Variants in PSMA8 observed in about 807,000 individuals in gnomAD.
The protein encoded by PSMA8 is proteasome subunit alpha-type 8.
A neutral mutation model predicts 32.4 loss-of-function variants in PSMA8; 18 were observed. The ratio of observed to expected loss-of-function variants is 0.56; its 90% confidence interval spans 0.38 to 0.82. The LOEUF (loss-of-function observed/expected upper bound fraction) is 0.82, where lower values mean the gene tolerates loss of function less well. PSMA8 is among the 40% of genes least tolerant of loss of function. PSMA8 has a pLI of 0.00. For missense variants in PSMA8, 298 were observed against 300.7 expected (o/e 0.99, Z 0.07); for synonymous variants, 104 against 98.1 (o/e 1.06, Z -0.36).
intron 3 of PSMA8, among the ~76,000 whole-genome samples, chr18:26,152,613 C>T (rs868372689): frequency 2.5e-4 from 38 of 152,178 alleles, no homozygotes; most frequent in Middle Eastern, 3.4e-3. Flanking sequence ...GCATGAGCCA[C>T]GGTGCCTGGC....
Position 26,134,018 on chromosome 18 carries a change from T to C in PSMA8, c.53T>C (p.Leu18Pro). Residue 18 changes from leucine (L) to proline (P), a missense_variant, in exon 1 of 7, where the codon CTT becomes CCT. Transcript: ENST00000415576. Reference sequence around the variant, plus strand: ...ACTGTCTTCTCCCCAGACGGACACCTTTTTCAAGTTGAATATGCCCAGGAA... The same window carrying C: ...ACTGTCTTCTCCCCAGACGGACACCCTTTTCAAGTTGAATATGCCCAGGAA... Reference protein sequence around the residue: ...AITVFSPDGHLFQVEYAQEAV... With the variant: ...AITVFSPDGHPFQVEYAQEAV... The C allele has an allele frequency of 6.2e-7, 1 of 1,612,298 alleles. No homozygotes were observed. Among genetic ancestry groups the C allele is most frequent in the South Asian group, 1.1e-5 (1 of 91,022 alleles).
intron 2 of PSMA8, 122 bp from the exon 3 acceptor site, chr18:26,151,736 C>T: frequency 1.3e-6 from 1 of 777,996 alleles, no homozygotes; most frequent in Non-Finnish European, 1.9e-6. Flanking sequence ...TTAAAATGAG[C>T]ATGTATTGAG....
chr18:26,173,852 G>A (rs1230512703), intron 4 of PSMA8, among the ~76,000 whole-genome samples: 2 of 151,926 alleles, frequency 1.3e-5, no homozygotes, highest in East Asian at 1.9e-4. Flanking sequence ...CATCACGCCC[G>A]GCCTTTTGTC....
chr18:26,181,044 G>A (rs4800724), intron 6 of PSMA8, among the ~76,000 whole-genome samples: 41,493 of 152,044 alleles, frequency 0.27, 9,302 homozygotes, highest in African/African-American at 0.61. Context: ...GTAAGTGCTC[G>A]TTAAATGGTG....
At chr18:26,169,574 T>C (rs1598661266) in intron 4 of PSMA8, among the ~76,000 whole-genome samples, 1 of 129,624 alleles carries the variant, frequency 7.7e-6, no homozygotes, top group African/African-American at 4.3e-5. Flanking sequence ...GTGTGGTGGC[T>C]CAAGCCGGTA....
intron 6 of PSMA8, among the ~76,000 whole-genome samples, chr18:26,184,960 C>T (rs965386348): frequency 1.4e-5 from 2 of 147,516 alleles, no homozygotes; most frequent in African/African-American, 2.5e-5. Context: ...TGGTGGCTGG[C>T]GCCTGTAATT....
At chr18:26,161,590 A>C (rs1399006145) in intron 4 of PSMA8, among the ~76,000 whole-genome samples, 1 of 152,228 alleles carries the variant, frequency 6.6e-6, no homozygotes, top group East Asian at 1.9e-4. Flanking sequence ...AAAGCTATTC[A>C]GGTCAGCTAA....
chr18:26,137,109 T>C (rs2054917156), intron 1 of PSMA8, among the ~76,000 whole-genome samples: 2 of 152,242 alleles, frequency 1.3e-5, no homozygotes. Flanking sequence ...ATGTATCACT[T>C]AAGGCAATTA....
intron 2 of PSMA8, among the ~76,000 whole-genome samples, chr18:26,150,677 A>G (rs1017128146): frequency 2.0e-5 from 3 of 152,228 alleles, no homozygotes; most frequent in African/African-American, 7.2e-5. Flanking sequence ...ACTTATTGAA[A>G]ACAGACATAC....
At chr18:26,164,720 A>C (rs529149829) in intron 4 of PSMA8, among the ~76,000 whole-genome samples, 4 of 152,212 alleles carry the variant, frequency 2.6e-5, no homozygotes, top group Non-Finnish European at 5.9e-5. Context: ...TGTATACTGG[A>C]TGTGGGAAAA....
At chr18:26,146,260 G>C (rs563540383) in intron 2 of PSMA8, among the ~76,000 whole-genome samples, 1 of 149,202 alleles carries the variant, frequency 6.7e-6, no homozygotes, top group Non-Finnish European at 1.5e-5. Context: ...CACACATGAT[G>C]GTGCACATCT....
rs1290435615 is a variant in PSMA8, at chr18:26,185,899, T to C, written c.661-6420T>C. Among the ~76,000 whole-genome samples, 2 of 150,508 alleles carry C rather than the reference T, an allele frequency of 1.3e-5. 1 individual carries two copies. Among genetic ancestry groups the C allele is most frequent in the Non-Finnish European group, 3.0e-5 (2 of 67,710 alleles). On this transcript the variant is annotated intron_variant, in intron 6 of 6. Coordinates refer to ENST00000415576, the MANE Select transcript of PSMA8 (RefSeq NM_001025096.2). The stretch of plus-strand genomic sequence containing the variant: ...AAATATTACAAATCCTATTGCATTC[T>C]CAATTTTGATAAATCTTTGTGTGGG...
chr18:26,163,213 GTATATATATA>G (rs58945617), intron 4 of PSMA8, among the ~76,000 whole-genome samples: 4,216 of 80,766 alleles, frequency 0.052, 182 homozygotes, highest in South Asian at 0.097. Context: ...ATGTGTGTGT[GTATATATATA>G]TATATATATA....
chr18:26,151,970 A>AGGTAAGCTAATGT lies in PSMA8; in HGVS notation c.342_343insGGTAAGCTAATGT (p.Thr115GlyfsTer29). On this transcript the variant is annotated frameshift_variant, in exon 3 of 7. Transcript: ENST00000415576. LOFTEE classifies it high-confidence loss of function. The stretch of plus-strand genomic sequence containing the variant: ...TAGAATACATAACTCGCTTCATAGC[A>AGGTAAGCTAATGT]ACTTTAAAGCAGGTAAGCTAATATT... 2 of 1,598,438 alleles carry AGGTAAGCTAATGT rather than the reference A, an allele frequency of 1.3e-6. No homozygotes were observed. Among genetic ancestry groups the AGGTAAGCTAATGT allele is most frequent in the East Asian group, 4.5e-5 (2 of 44,586 alleles).
intron 1 of PSMA8, chr18:26,140,057 C>G: frequency 1.4e-6 from 1 of 702,996 alleles, no homozygotes; most frequent in Non-Finnish European, 2.6e-6. Flanking sequence ...TCATGTTTCT[C>G]TGATTGTTCA....
intron 4 of PSMA8, among the ~76,000 whole-genome samples, chr18:26,165,145 G>C (rs1008896009): frequency 2.6e-5 from 4 of 152,168 alleles, no homozygotes; most frequent in African/African-American, 9.6e-5. Context: ...CTGACCTCAA[G>C]CAATCCACCC....
chr18:26,172,973 G>A (rs1205020756), intron 4 of PSMA8, among the ~76,000 whole-genome samples: 2 of 152,166 alleles, frequency 1.3e-5, no homozygotes, highest in African/African-American at 2.4e-5. Context: ...ATACAGTCCT[G>A]AGGAATAGCC....
At chr18:26,135,595 G>C (rs1464506814) in intron 1 of PSMA8, among the ~76,000 whole-genome samples, 3 of 152,076 alleles carry the variant, frequency 2.0e-5, no homozygotes, top group South Asian at 2.1e-4. Flanking sequence ...TAAACCAAAA[G>C]GGTACCATTT....
chr18:26,186,587 A>G (rs1249096498), intron 6 of PSMA8, among the ~76,000 whole-genome samples: 1 of 152,210 alleles, frequency 6.6e-6, no homozygotes, highest in Non-Finnish European at 1.5e-5. Flanking sequence ...GTTACTAAGA[A>G]GTAAATAGTA....
Sources: gnomAD v4.1 joint callset for allele counts (sites outside exome capture counted in the v4.1 genomes callset) on GRCh38, gnomAD v4.1.1 for gene constraint, MANE v1.5 for transcripts, NCBI Gene and HGNC (gene_info 2026-07-23, HGNC 2026-07-21) for gene names.